Variants in PTPN13 observed in about 807,000 individuals in gnomAD.
PTPN13 encodes tyrosine-protein phosphatase non-receptor type 13.
Under a neutral mutation model 284.0 loss-of-function variants are expected in PTPN13, and 191 were observed. The ratio of observed to expected loss-of-function variants is 0.67; its 90% CI spans 0.60 to 0.76. PTPN13 has a LOEUF of 0.76. Ranked by LOEUF, PTPN13 falls within the 30% of genes least tolerant of loss-of-function variation. The pLI is 0.00. For synonymous variants in PTPN13, 986 were observed against 1,022.3 expected (o/e 0.96, Z 0.68); for missense variants, 2,797 against 2,939.9 (o/e 0.95, Z 1.12).
chr4:86,635,809 C>T (rs967481628), intron 2 of PTPN13, among the ~76,000 whole-genome samples: 7 of 151,878 alleles, frequency 4.6e-5, no homozygotes, highest in Non-Finnish European at 1.0e-4. Flanking sequence ...ACTAAAAATA[C>T]AAAATTTAGC....
chr4:86,652,347 A>G (rs1363694040), intron 2 of PTPN13, among the ~76,000 whole-genome samples: 3 of 152,154 alleles, frequency 2.0e-5, no homozygotes, highest in Non-Finnish European at 4.4e-5. Flanking sequence ...TGTACTTATT[A>G]TCACTAGTGA....
intron 23 of PTPN13, among the ~76,000 whole-genome samples, chr4:86,760,724 G>A (rs979792598): frequency 1.2e-4 from 19 of 152,046 alleles, no homozygotes; most frequent in Admixed American, 9.8e-4. Context: ...AGAGTTTTGT[G>A]TGGTTTTTTT....
chr4:86,661,461 G>C (rs537676472), intron 2 of PTPN13, among the ~76,000 whole-genome samples: 2 of 152,156 alleles, frequency 1.3e-5, no homozygotes, highest in South Asian at 4.1e-4. Context: ...ATTTTTATAA[G>C]AAATGTATAC....
Position 86,767,831 on chromosome 4 carries a change from A to C in PTPN13, c.4344A>C (p.Leu1448Phe), listed in dbSNP as rs1469616562. 1.3e-6 allele frequency: 2 copies of C among 1,581,702 alleles called. No homozygotes were observed. The highest frequency in any genetic ancestry group is 2.7e-5 in the African/African-American group (2 of 74,082). Residue 1448 changes from leucine to phenylalanine, a missense_variant, in exon 28 of 48, where the codon TTA becomes TTC. Leu to Phe is a conservative substitution (Grantham distance 22). Coordinates refer to ENST00000411767, the MANE Select transcript of PTPN13 (RefSeq NM_080683.3). ...LRNTGQVVHL[L>F]LEKGQSPTSK... ...TACTTATCCAGGTGGTTCATCTGTT[A>C]TTAGAAAAGGGACAATCTCCAACAT...
chr4:86,807,773 A>G lies in PTPN13; in HGVS notation c.6959A>G (p.Gln2320Arg), dbSNP rs1367992985. The G allele has an allele frequency of 6.2e-7, 1 of 1,613,954 alleles. No individual in the cohort carries two copies. The change falls in exon 45 of 48, where the codon CAG (glutamine) becomes CGG (arginine). Residue 2320 changes from glutamine to arginine, a missense_variant. Coordinates refer to ENST00000411767, the MANE Select transcript of PTPN13 (RefSeq NM_080683.3). ...GTAGAAGGAGAAAAAATCAAATGCC[A>G]GCGCTATTGGCCCAACATCCTAGGC... ...QEVEGEKIKCQRYWPNILGKT... is the reference protein window; with the variant it reads ...QEVEGEKIKCRRYWPNILGKT...
intron 17 of PTPN13, among the ~76,000 whole-genome samples, chr4:86,747,533 T>TAGCAGCAGCAGCAGCGGC (rs796362246): frequency 4.0e-5 from 6 of 151,540 alleles, no homozygotes; most frequent in Non-Finnish European, 5.9e-5. Context: ...GCGGTAATAG[T>TAGCAGCAGCAGCAGCGGC]AGCAGCAGCA....
intron 24 of PTPN13, among the ~76,000 whole-genome samples, 154 bp downstream of exon 24, chr4:86,763,344 C>G (rs1300512408): frequency 6.6e-6 from 1 of 152,188 alleles, no homozygotes; most frequent in East Asian, 1.9e-4. Context: ...TTGATGCTAA[C>G]TTTCAGAGAA....
intron 7 of PTPN13, among the ~76,000 whole-genome samples, chr4:86,714,882 C>T (rs1044562481): frequency 6.6e-6 from 1 of 152,058 alleles, no homozygotes; most frequent in Non-Finnish European, 1.5e-5. Context: ...AAGTAGAGAA[C>T]TACAAAGTAG....
intron 17 of PTPN13, among the ~76,000 whole-genome samples, chr4:86,746,421 A>G (rs1443646193): frequency 6.6e-6 from 1 of 152,180 alleles, no homozygotes; most frequent in East Asian, 1.9e-4. Context: ...TTCACATTCA[A>G]AAAATGTTTT....
intron 32 of PTPN13, among the ~76,000 whole-genome samples, chr4:86,773,424 C>G (rs553123569): frequency 6.6e-6 from 1 of 151,744 alleles, no homozygotes; most frequent in Non-Finnish European, 1.5e-5. Context: ...TTTTTCTCCT[C>G]CACACTTTTT....
At chr4:86,694,602 A>AAAG (rs1730401701) in intron 6 of PTPN13, among the ~76,000 whole-genome samples, 1 of 150,882 alleles carries the variant, frequency 6.6e-6, no homozygotes, top group Non-Finnish European at 1.5e-5. Context: ...AAAAAAAAAA[A>AAAG]AAGAATGGAA....
At chr4:86,811,537 GTT>G (rs1487614227) in intron 47 of PTPN13, among the ~76,000 whole-genome samples, 1 of 152,246 alleles carries the variant, frequency 6.6e-6, no homozygotes, top group Non-Finnish European at 1.5e-5. Flanking sequence ...GCAGGCTGGA[GTT>G]GCTTAGCTTC....
chr4:86,711,098 C>CTTT lies in PTPN13; in HGVS notation c.1196-5415_1196-5413dup, dbSNP rs58186398. ...GCCACCACACCTGGTTAATTATTGC[C>CTTT]TTTTTTTTTTTTTTTTTTTGGAGAG... On this transcript the variant is annotated intron_variant, in intron 7 of 47. Transcript: ENST00000411767. 2.6e-4 allele frequency among the ~76,000 whole-genome samples: 25 copies of CTTT among 97,106 alleles called. 1 individual carries two copies. In the South Asian group the frequency reaches 3.0e-3, roughly 12 times the overall value. The allele number at this position is 97,106 out of a possible 152,430, so 63.7% of individuals were successfully genotyped here.
chr4:86,767,929 A>T lies in PTPN13; in HGVS notation c.4442A>T (p.Lys1481Ile), dbSNP rs1229423063. 6.2e-7 allele frequency: 1 copy of T among 1,610,882 alleles called. No homozygotes were observed. The highest frequency in any genetic ancestry group is 2.2e-5 in the East Asian group (1 of 44,824). The part of the protein sequence containing the change: ...DQNAQGQGPE[K>I]VKKTTQVKDY... The stretch of plus-strand genomic sequence containing the variant: ...AATGCCCAAGGTCAAGGCCCAGAAA[A>T]AGTGAAGAAAACAACTCAGGTCAAA... The change falls in exon 28 of 48, where the codon AAA becomes ATA. Residue 1481 changes from lysine (K) to isoleucine (I), a missense_variant. By Grantham distance (102) the Lys-to-Ile change is moderately radical. Coordinates refer to ENST00000411767, the MANE Select transcript of PTPN13 (RefSeq NM_080683.3).
At chr4:86,707,079 G>T (rs1731856776) in intron 7 of PTPN13, among the ~76,000 whole-genome samples, 1 of 152,120 alleles carries the variant, frequency 6.6e-6, no homozygotes, top group African/African-American at 2.4e-5. Context: ...TGCTCTGTGG[G>T]TTGGCAGTAG....
intron 40 of PTPN13, among the ~76,000 whole-genome samples, chr4:86,793,295 A>G (rs1258480630): frequency 2.0e-5 from 3 of 152,242 alleles, no homozygotes; most frequent in African/African-American, 4.8e-5. Context: ...AATCAACAGG[A>G]AGAACTAACT....
At chr4:86,613,587 T>G (rs1365077255) in intron 1 of PTPN13, among the ~76,000 whole-genome samples, 1 of 147,954 alleles carries the variant, frequency 6.8e-6, no homozygotes, top group Non-Finnish European at 1.5e-5. Context: ...TGAGCCAAGA[T>G]TGTGCCACTG....
chr4:86,786,423 A>G (rs1028232283), intron 40 of PTPN13, among the ~76,000 whole-genome samples: 1 of 152,160 alleles, frequency 6.6e-6, no homozygotes, highest in Non-Finnish European at 1.5e-5. Context: ...ATGTTCTTAC[A>G]CTAGTTATCA....
chr4:86,702,152 A>C (rs1731236124), intron 7 of PTPN13, among the ~76,000 whole-genome samples: 1 of 152,240 alleles, frequency 6.6e-6, no homozygotes. Flanking sequence ...GCACTATCTC[A>C]TGGGAGGCTT....
Sources: gnomAD v4.1 joint callset for allele counts (sites outside exome capture counted in the v4.1 genomes callset) on GRCh38, gnomAD v4.1.1 for gene constraint, MANE v1.5 for transcripts, NCBI Gene and HGNC (gene_info 2026-07-23, HGNC 2026-07-21) for gene names.